The following DISP1 variants were observed in gnomAD, a reference collection of about 807,000 sequenced individuals.
DISP1 encodes dispatched RND transporter family member 1.
In DISP1, 30 loss-of-function variants were observed where a neutral mutation model predicts 37.3. The ratio of observed to expected loss-of-function variants is 0.80; its 90% CI spans 0.60 to 1.09. The LOEUF (loss-of-function observed/expected upper bound fraction) is 1.09, where lower values mean the gene tolerates loss of function less well. Among genes scored for constraint, DISP1 ranks in the 50% least tolerant of loss-of-function variants. DISP1 has a pLI of 0.00. For missense variants in DISP1, 1,598 were observed against 1,879.5 expected (o/e 0.85, Z 2.77); for synonymous variants, 634 against 690.2 (o/e 0.92, Z 1.28).
At chr1:222,903,410 G>C (rs1357433675) in intron 1 of DISP1, among the ~76,000 whole-genome samples, 1 of 150,762 alleles carries the variant, frequency 6.6e-6, no homozygotes, top group Non-Finnish European at 1.5e-5. Context: ...TAACTAACCT[G>C]CACATTGTGC....
At chr1:222,975,234 A>G (rs180836765) in intron 3 of DISP1, among the ~76,000 whole-genome samples, 42 of 152,156 alleles carry the variant, frequency 2.8e-4, no homozygotes, top group Non-Finnish European at 5.1e-4. Flanking sequence ...TATCACGCCC[A>G]GGCCAGTCTT....
intron 3 of DISP1, among the ~76,000 whole-genome samples, chr1:222,977,546 T>A (rs35492373): frequency 0.021 from 3,087 of 148,482 alleles, 103 homozygotes; most frequent in African/African-American, 0.071. Context: ...TTTTTTTTTT[T>A]TTATTATACT....
At chr1:222,827,683 A>G (rs755550086) in intron 1 of DISP1, 1 of 152,160 alleles carries the variant, frequency 6.6e-6, no homozygotes, top group South Asian at 2.1e-4. Context: ...TTAGCTATCT[A>G]AAAAGCAACA....
chr1:222,850,173 A>G (rs1668142237), intron 1 of DISP1, among the ~76,000 whole-genome samples: 2 of 152,212 alleles, frequency 1.3e-5, no homozygotes, highest in South Asian at 2.1e-4. Flanking sequence ...AGAAACCCTT[A>G]ATAAATGCTG....
At chr1:222,872,218 G>A (rs1306453920) in intron 1 of DISP1, 1 of 152,280 alleles carries the variant, frequency 6.6e-6, no homozygotes, top group African/African-American at 2.4e-5. Context: ...TTGCATCAAT[G>A]TTCATCAAGG....
intron 1 of DISP1, among the ~76,000 whole-genome samples, chr1:222,839,049 G>A (rs1006209085): frequency 6.6e-6 from 1 of 152,150 alleles, no homozygotes; most frequent in Non-Finnish European, 1.5e-5. Context: ...GCTGTTAGTT[G>A]AAGATCAGAT....
intron 1 of DISP1, among the ~76,000 whole-genome samples, chr1:222,885,441 A>G (rs577764417): frequency 6.7e-6 from 1 of 150,230 alleles, no homozygotes; most frequent in South Asian, 2.1e-4. Flanking sequence ...CACCCACCCT[A>G]GAGCTCCAAG....
intron 1 of DISP1, among the ~76,000 whole-genome samples, chr1:222,925,366 A>G (rs1673022143): frequency 6.6e-6 from 1 of 152,174 alleles, no homozygotes; most frequent in Non-Finnish European, 1.5e-5. Context: ...AAGCACAGTG[A>G]AATAGGATTA....
intron 3 of DISP1, among the ~76,000 whole-genome samples, chr1:222,978,533 G>A (rs901275177): frequency 2.4e-4 from 36 of 152,102 alleles, no homozygotes; most frequent in Non-Finnish European, 3.2e-4. Flanking sequence ...AATTAGATCC[G>A]ATTTGTCAAT....
At chr1:222,942,400 C>T (rs545749500) in intron 2 of DISP1, among the ~76,000 whole-genome samples, 13 of 152,142 alleles carry the variant, frequency 8.5e-5, no homozygotes, top group South Asian at 4.1e-4. Context: ...TCATTTTGCC[C>T]GTCACTCCTA....
chr1:222,837,999 A>G (rs1007475332), intron 1 of DISP1, among the ~76,000 whole-genome samples: 1 of 152,164 alleles, frequency 6.6e-6, no homozygotes, highest in African/African-American at 2.4e-5. Context: ...GCAACTACTT[A>G]TTATCCTCTC....
chr1:222,942,307 A>G (rs753766758), intron 2 of DISP1, among the ~76,000 whole-genome samples: 1 of 152,144 alleles, frequency 6.6e-6, no homozygotes. Context: ...TATATTCTTG[A>G]GATTTTTCTA....
At chr1:222,872,142 G>T (rs1669627097) in intron 1 of DISP1, 1 of 152,206 alleles carries the variant, frequency 6.6e-6, no homozygotes, top group Non-Finnish European at 1.5e-5. Context: ...AAGCCCACTT[G>T]ATCGTGGTGG....
chr1:222,882,249 C>T (rs186185451), intron 1 of DISP1, among the ~76,000 whole-genome samples: 15 of 152,218 alleles, frequency 9.9e-5, no homozygotes, highest in Admixed American at 2.6e-4. Flanking sequence ...ATAATTTACA[C>T]TACAAAGAAC....
At position 222,875,792 on chromosome 1, in the gene DISP1, A is replaced by G. The variant is rs184318920; in HGVS notation, c.-158-52638A>G. ...CAGTGAGCCAAGATTGTGCCATTGC[A>G]CTCCAGACTGGGCAACAAGAGAGAA... On this transcript the variant is annotated intron_variant, in intron 1 of 8. Coordinates refer to ENST00000675850, the MANE Select transcript of DISP1 (RefSeq NM_001377229.1). Among the ~76,000 whole-genome samples, 85 of 150,786 alleles carry G rather than the reference A, an allele frequency of 5.6e-4. 1 individual carries two copies. In the East Asian group the frequency reaches 0.013, roughly 22 times the overall value.
At position 222,910,887 on chromosome 1, in the gene DISP1, G is replaced by T. The variant is rs1002229545; in HGVS notation, c.-158-17543G>T. ...TCATTTTGAGGGTAGTTTGGCCAGGGTTTATGTAAGAGAGTGACTGGGGAG... is the reference window on the plus strand; with the variant it reads ...TCATTTTGAGGGTAGTTTGGCCAGGTTTTATGTAAGAGAGTGACTGGGGAG... On this transcript the variant is annotated intron_variant, in intron 1 of 8. Transcript: ENST00000675850. Among the ~76,000 whole-genome samples the T allele has an allele frequency of 5.3e-5, 8 of 152,314 alleles. No homozygotes were observed. In the South Asian group the frequency reaches 1.2e-3, roughly 24 times the overall value.
In DISP1 at chr1:222,986,449, A is replaced by G. The variant is rs77899159; in HGVS notation, c.539+3340A>G. Among the ~76,000 whole-genome samples, 333 of 152,338 alleles carry G rather than the reference A, an allele frequency of 2.2e-3. 2 individuals carry two copies. Among genetic ancestry groups the G allele is most frequent in the African/African-American group, 7.2e-3 (300 of 41,580 alleles). On this transcript the variant is annotated intron_variant, in intron 4 of 8. Transcript: ENST00000675850. ...ATAAGATACTTCGTTTATTTGTTTT[A>G]ACAGTTATTTCTGATCTGTTTCCAG...
chr1:222,989,596 T>G, intron 4 of DISP1: 1 of 981,732 alleles, frequency 1.0e-6, no homozygotes, highest in Non-Finnish European at 1.2e-6. Context: ...ATAGAGACAG[T>G]TCTGCACATG....
Position 223,000,149 on chromosome 1 carries a change from T to C in DISP1, c.988-2236T>C, listed in dbSNP as rs111283794. Among the ~76,000 whole-genome samples the C allele has an allele frequency of 3.5e-3, 530 of 152,334 alleles. 2 individuals are homozygous for C. The highest frequency in any genetic ancestry group is 0.012 in the African/African-American group (503 of 41,556). ...ATTTGGTTATTTCAGCAACTACAGG[T>C]ATTTTCCTTCTAGCTGATAATGGAT... On this transcript the variant is annotated intron_variant, in intron 8 of 8. Coordinates refer to ENST00000675850, the MANE Select transcript of DISP1 (RefSeq NM_001377229.1).
Sources: allele counts gnomAD v4.1 joint callset (sites outside exome capture counted in the v4.1 genomes callset), GRCh38; gene constraint gnomAD v4.1.1; transcripts MANE v1.5; gene names NCBI Gene and HGNC (gene_info 2026-07-23, HGNC 2026-07-21).